Variants in NEMP1 observed in about 807,000 individuals in gnomAD.
The protein encoded by NEMP1 is transmembrane protein 194.
Under a neutral mutation model 53.7 loss-of-function variants are expected in NEMP1, and 29 were observed. That is an observed-to-expected ratio of 0.54 (90% CI 0.40 to 0.74). The LOEUF (loss-of-function observed/expected upper bound fraction) is 0.74. Ranked by LOEUF, NEMP1 falls within the 30% of genes least tolerant of loss-of-function variation. The pLI is 0.00. For synonymous variants in NEMP1, 193 were observed against 192.9 expected (o/e 1.00, Z 0.00); for missense variants, 477 against 528.6 (o/e 0.90, Z 0.96).
At chr12:57,076,735 C>G (rs1459126454) in intron 1 of NEMP1, among the ~76,000 whole-genome samples, 1 of 151,856 alleles carries the variant, frequency 6.6e-6, no homozygotes, top group Non-Finnish European at 1.5e-5. Context: ...ACTCTGGAGG[C>G]TGAGGTTGCA....
chr12:57,064,779 T>A (rs1255166729), intron 4 of NEMP1, 40 bp from the exon 5 acceptor site: 2 of 1,441,640 alleles, frequency 1.4e-6, no homozygotes, highest in East Asian at 4.6e-5. Context: ...TATGTATATA[T>A]TTCATACATA....
At chr12:57,085,029 G>A (rs1190394175) in intron 1 of NEMP1, among the ~76,000 whole-genome samples, 1 of 152,040 alleles carries the variant, frequency 6.6e-6, no homozygotes, top group Non-Finnish European at 1.5e-5. Context: ...CCCTAGGCTC[G>A]TTTCTAACCA....
At chr12:57,082,605 A>G (rs1422999382), upstream of NEMP1, among the ~76,000 whole-genome samples, 1 of 152,016 alleles carries the variant, frequency 6.6e-6, no homozygotes, top group African/African-American at 2.4e-5. Context: ...CCAGCTGCTC[A>G]GGAGGCTGAG....
In NEMP1 at chr12:57,069,317, T is replaced by TA. The variant is rs2032241076; in HGVS notation, c.473-12dup. 2 of 1,530,312 alleles carry TA rather than the reference T, an allele frequency of 1.3e-6. No homozygotes were observed. Among genetic ancestry groups the TA allele is most frequent in the East Asian group, 4.9e-5 (2 of 40,722 alleles). 94.8% of individuals were successfully genotyped at this position (1,530,312 alleles called of 1,614,324 possible). A position where few individuals can be genotyped will look rare whatever the true frequency, so the allele number is the denominator to read the frequency against. ...GTTTGGGATCAAATCCTGAAATAAA[T>TA]AAAGATTTTTGCTTAATAAGGGAAC... On this transcript the variant is annotated splice_polypyrimidine_tract_variant and intron_variant, in intron 3 of 8. Coordinates refer to ENST00000300128, the MANE Select transcript of NEMP1 (RefSeq NM_001130963.2).
Position 57,069,267 on chromosome 12 carries a change from A to G in NEMP1, c.512T>C (p.Leu171Pro). 1 of 1,547,060 alleles carries G rather than the reference A, an allele frequency of 6.5e-7. No individual in the cohort carries two copies. The highest frequency in any genetic ancestry group is 1.2e-5 in the South Asian group (1 of 82,658). ...CAAGTCTCCACAAAAAAATAGCATAAGTCCAAGAAGGAAAACAAGAAAGAG... is the reference window on the plus strand; with the variant it reads ...CAAGTCTCCACAAAAAAATAGCATAGGTCCAAGAAGGAAAACAAGAAAGAG... ...PKLFLVFLLG[L>P]MLFFCGDLLS... Residue 171 changes from leucine (L) to proline (P), a missense_variant, in exon 4 of 9, where the codon CTT becomes CCT. Physicochemically the swap from Leu to Pro is moderately conservative, Grantham distance 98. Coordinates refer to ENST00000300128, the MANE Select transcript of NEMP1 (RefSeq NM_001130963.2).
At chr12:57,066,826 A>G (rs1350947580) in intron 4 of NEMP1, among the ~76,000 whole-genome samples, 2 of 152,024 alleles carry the variant, frequency 1.3e-5, no homozygotes, top group African/African-American at 2.4e-5. Flanking sequence ...ATGGTAGTGA[A>G]TAAGTCTCAT....
At chr12:57,073,724 A>G (rs751721958) in intron 1 of NEMP1, among the ~76,000 whole-genome samples, 6 of 152,242 alleles carry the variant, frequency 3.9e-5, no homozygotes, top group Non-Finnish European at 7.3e-5. Flanking sequence ...CTATGAGGTA[A>G]GCACTCTCAT....
At chr12:57,087,451 G>C (rs1008271475) in intron 1 of NEMP1, among the ~76,000 whole-genome samples, 3 of 151,988 alleles carry the variant, frequency 2.0e-5, no homozygotes, top group Admixed American at 1.3e-4. Flanking sequence ...CTGAGGTGGG[G>C]GGGGAGGGGT....
At chr12:57,064,326 T>C (rs895738730) in intron 5 of NEMP1, 141 bp from the exon 6 acceptor site, 2 of 583,632 alleles carry the variant, frequency 3.4e-6, no homozygotes, top group Non-Finnish European at 5.9e-6. Context: ...TAAAAAGATG[T>C]CCTTTATACT....
chr12:57,065,343 C>T (rs1161413703), intron 4 of NEMP1, among the ~76,000 whole-genome samples: 1 of 152,160 alleles, frequency 6.6e-6, no homozygotes, highest in Non-Finnish European at 1.5e-5. Context: ...ATCACCCCTC[C>T]TTTGAAGCTA....
At position 57,058,525 on chromosome 12, in the gene NEMP1, TTGC is replaced by T. The variant is rs2031640089; in HGVS notation, c.*1351_*1353del. On this transcript the variant is annotated 3_prime_UTR_variant, in exon 9 of 9. Coordinates refer to ENST00000300128, the MANE Select transcript of NEMP1 (RefSeq NM_001130963.2). ...AGAATTTGCTTCCTCACAGATGACA[TTGC>T]TGGTTTATAAGGGGTACTTTGCAAT... 1.3e-5 allele frequency: 2 copies of T among 152,192 alleles called. No homozygotes were observed. Among genetic ancestry groups the T allele is most frequent in the Admixed American group, 1.3e-4 (2 of 15,284 alleles). 9.4% of individuals were successfully genotyped at this position (152,192 alleles called of 1,614,324 possible). A position where few individuals can be genotyped will look rare whatever the true frequency, so the allele number is the denominator to read the frequency against.
In NEMP1 at chr12:57,060,784, T is replaced by C. The variant is rs1257974891; in HGVS notation, c.1142A>G (p.Gln381Arg). ...CSAWKTVSRIQSPKRFADFVE... is the reference protein window; with the variant it reads ...CSAWKTVSRIRSPKRFADFVE... ...TGGCCGAGTTTACCTTTTTGGAGAC[T>C]GGATTCGAGAAACAGTCTTCCAAGC... Residue 381 changes from glutamine to arginine, a missense_variant, in exon 8 of 9, where the codon CAG becomes CGG. Physicochemically the swap from Gln to Arg is conservative, Grantham distance 43. Coordinates refer to ENST00000300128, the MANE Select transcript of NEMP1 (RefSeq NM_001130963.2). 1.9e-6 allele frequency: 3 copies of C among 1,611,766 alleles called. No individual in the cohort carries two copies. Among genetic ancestry groups the C allele is most frequent in the Non-Finnish European group, 1.7e-6 (2 of 1,179,214 alleles).
At chr12:57,085,744 G>A (rs867869488) in intron 1 of NEMP1, among the ~76,000 whole-genome samples, 5 of 152,354 alleles carry the variant, frequency 3.3e-5, no homozygotes, top group Admixed American at 6.5e-5. Flanking sequence ...TACCAGAATG[G>A]TGGACATTTT....
intron 4 of NEMP1, among the ~76,000 whole-genome samples, chr12:57,067,085 G>A (rs909478727): frequency 3.9e-5 from 6 of 152,186 alleles, no homozygotes; most frequent in Admixed American, 2.6e-4. Flanking sequence ...CAGCACTTTG[G>A]GAGGCTGAGG....
chr12:57,075,022 G>C (rs1297648873), intron 1 of NEMP1, among the ~76,000 whole-genome samples: 1 of 151,938 alleles, frequency 6.6e-6, no homozygotes, highest in African/African-American at 2.4e-5. Context: ...CCTGGGAGGG[G>C]AGACTGCAGT....
chr12:57,067,494 C>A (rs1157765974), intron 4 of NEMP1, among the ~76,000 whole-genome samples: 1 of 152,094 alleles, frequency 6.6e-6, no homozygotes. Flanking sequence ...CACACAGACC[C>A]CAAGTGAGCA....
chr12:57,076,399 C>T (rs1467738324), intron 1 of NEMP1, among the ~76,000 whole-genome samples: 4 of 148,750 alleles, frequency 2.7e-5, no homozygotes, highest in South Asian at 2.1e-4. Context: ...CATGGTGGCT[C>T]ACGCCTGTAA....
intron 1 of NEMP1, among the ~76,000 whole-genome samples, chr12:57,085,972 G>A (rs770667127): frequency 1.3e-5 from 2 of 152,226 alleles, no homozygotes; most frequent in Non-Finnish European, 2.9e-5. Flanking sequence ...ATCCTGGAGA[G>A]GTCCTGGATT....
rs143359480 is a variant in NEMP1 at position 57,074,524 on chromosome 12, A to G, written c.128-1612T>C. 1.3e-4 allele frequency among the ~76,000 whole-genome samples: 19 copies of G among 151,432 alleles called. 1 individual carries two copies. In the East Asian group the frequency reaches 3.7e-3, roughly 30 times the overall value. ...TTCACCATGTTGGCCAGACTGATCT[A>G]GAACTCCTGGCCTCAACTGATCCAC... On this transcript the variant is annotated intron_variant, in intron 1 of 8. Transcript: ENST00000300128.
Sources: gnomAD v4.1 joint callset for allele counts (sites outside exome capture counted in the v4.1 genomes callset) on GRCh38, gnomAD v4.1.1 for gene constraint, MANE v1.5 for transcripts, NCBI Gene and HGNC (gene_info 2026-07-23, HGNC 2026-07-21) for gene names.